DSE: variants seen among roughly 807,000 people sequenced by gnomAD.
DSE encodes the protein dermatan sulfate epimerase.
A neutral mutation model predicts 84.4 loss-of-function variants in DSE; 36 were observed. The observed-to-expected ratio is 0.43, with a 90% CI of 0.33 to 0.56. The LOEUF is 0.56. DSE is among the 20% of genes least tolerant of loss of function. DSE has a pLI of 0.06. For synonymous variants in DSE, 410 were observed against 430.1 expected (o/e 0.95, Z 0.58); for missense variants, 862 against 1,169.6 (o/e 0.74, Z 3.84).
At chr6:116,335,515 A>G (rs1402426798) in intron 2 of DSE, among the ~76,000 whole-genome samples, 4 of 152,212 alleles carry the variant, frequency 2.6e-5, no homozygotes, top group Non-Finnish European at 5.9e-5. Flanking sequence ...TTGTACCCCT[A>G]AACTTAAAAG....
chr6:116,319,061 G>T (rs1776152135), intron 2 of DSE, among the ~76,000 whole-genome samples: 1 of 152,136 alleles, frequency 6.6e-6, no homozygotes, highest in African/African-American at 2.4e-5. Flanking sequence ...ACTCTCTTCA[G>T]TTCTAAGATT....
At chr6:116,349,016 T>G (rs1432170023) in intron 2 of DSE, among the ~76,000 whole-genome samples, 3 of 152,062 alleles carry the variant, frequency 2.0e-5, no homozygotes, top group African/African-American at 7.2e-5. Flanking sequence ...ATACCTAATG[T>G]AAATGATGAG....
intron 2 of DSE, among the ~76,000 whole-genome samples, chr6:116,298,495 G>A (rs1774804940): frequency 6.6e-6 from 1 of 152,154 alleles, no homozygotes; most frequent in African/African-American, 2.4e-5. Flanking sequence ...ACTAGCCAAG[G>A]CATGTGGGCA....
chr6:116,316,963 C>CT (rs1776019778), intron 2 of DSE, among the ~76,000 whole-genome samples: 2 of 151,860 alleles, frequency 1.3e-5, no homozygotes, highest in Non-Finnish European at 2.9e-5. Context: ...GATGCTGATT[C>CT]AGCATTAAAT....
intron 2 of DSE, among the ~76,000 whole-genome samples, chr6:116,319,498 C>A (rs1454412037): frequency 6.6e-6 from 1 of 152,164 alleles, no homozygotes; most frequent in Non-Finnish European, 1.5e-5. Flanking sequence ...TTGACCAAAG[C>A]AAATCACATG....
At chr6:116,294,922 CT>C (rs1774561604) in intron 2 of DSE, among the ~76,000 whole-genome samples, 1 of 152,130 alleles carries the variant, frequency 6.6e-6, no homozygotes, top group Admixed American at 6.5e-5. Context: ...GAGTAGACTA[CT>C]CACCAACTCC....
intron 2 of DSE, among the ~76,000 whole-genome samples, chr6:116,329,870 C>T (rs1163917834): frequency 3.3e-5 from 5 of 152,342 alleles, no homozygotes; most frequent in African/African-American, 9.6e-5. Flanking sequence ...TGTCCCCAGG[C>T]TGGAGTGCAA....
At chr6:116,390,089 T>A (rs868801913) in intron 1 of DSE, among the ~76,000 whole-genome samples, 7 of 146,492 alleles carry the variant, frequency 4.8e-5, no homozygotes, top group African/African-American at 1.9e-4. Context: ...ATTTTATTAT[T>A]TTTTTTTTGA....
At chr6:116,426,896 G>A in intron 3 of DSE, 69 bp downstream of exon 3, 1 of 1,534,418 alleles carries the variant, frequency 6.5e-7, no homozygotes, top group South Asian at 1.3e-5. Flanking sequence ...TGTGAGCAAA[G>A]CATTTTTATA....
chr6:116,436,662 G>T lies in DSE; in HGVS notation c.2194G>T (p.Val732Phe). 6.2e-7 allele frequency: 1 copy of T among 1,614,194 alleles called. No homozygotes were observed. The highest frequency in any genetic ancestry group is 8.5e-7 in the Non-Finnish European group (1 of 1,180,028). Residue 732 changes from valine (V) to phenylalanine (F), a missense_variant, in exon 6 of 6, where the codon GTC (valine) becomes TTC (phenylalanine). Around this residue, in one of 4 missense-constraint regions of DSE, gnomAD observed 315 missense variants for 348.1 expected, o/e 0.90. Transcript: ENST00000644252. ...DRNSAIKSSI[V>F]PEVKDYAAIV... ...GAATTCAGCCATCAAGAGCAGCATT[G>T]TCCCTGAGGTGAAGGACTATGCTGC...
At chr6:116,288,471 C>T (rs1259749391) in intron 2 of DSE, 3 of 151,900 alleles carry the variant, frequency 2.0e-5, no homozygotes, top group Non-Finnish European at 4.4e-5. Context: ...AAGAAATGAG[C>T]CTTGACTTAT....
At chr6:116,300,722 A>C (rs1344851141) in intron 2 of DSE, among the ~76,000 whole-genome samples, 1 of 152,206 alleles carries the variant, frequency 6.6e-6, no homozygotes, top group African/African-American at 2.4e-5. Flanking sequence ...TGAGTCCAAA[A>C]TAAATGAATG....
intron 1 of DSE, among the ~76,000 whole-genome samples, chr6:116,393,059 A>C (rs1172477277): frequency 6.6e-6 from 1 of 152,210 alleles, no homozygotes; most frequent in Non-Finnish European, 1.5e-5. Context: ...ACTAAGAAAC[A>C]GCTTTCCAGC....
In DSE at chr6:116,441,801, A is replaced by T. The variant is rs1583245350; in HGVS notation, c.*4456A>T. On this transcript the variant is annotated 3_prime_UTR_variant, in exon 6 of 6. Coordinates refer to ENST00000644252, the MANE Select transcript of DSE (RefSeq NM_013352.4). ...GAAGTCCCACAGCACTTTTCAGTTG[A>T]GTTAACAAATAACGAATGACAATAA... 6.6e-6 allele frequency: 1 copy of T among 152,348 alleles called. No individual in the cohort carries two copies. The highest frequency in any genetic ancestry group is 2.1e-4 in the South Asian group (1 of 4,830). 9.4% of individuals were successfully genotyped at this position (152,348 alleles called of 1,614,324 possible).
intron 2 of DSE, among the ~76,000 whole-genome samples, chr6:116,308,939 C>T (rs1775505738): frequency 6.6e-6 from 1 of 152,096 alleles, no homozygotes; most frequent in South Asian, 2.1e-4. Flanking sequence ...TTATGAGTTA[C>T]CGTGCCTTGA....
chr6:116,271,853 T>G (rs1003133783), intron 2 of DSE, among the ~76,000 whole-genome samples: 6 of 152,136 alleles, frequency 3.9e-5, no homozygotes, highest in Non-Finnish European at 2.9e-5. Flanking sequence ...TTACTTACAC[T>G]AAAATGCATA....
At chr6:116,274,249 T>C (rs542109590) in intron 2 of DSE, among the ~76,000 whole-genome samples, 1 of 152,172 alleles carries the variant, frequency 6.6e-6, no homozygotes, top group East Asian at 1.9e-4. Context: ...CTGAACATCA[T>C]GTACATTTGT....
chr6:116,426,485 C>T (rs1783461469), intron 2 of DSE, 89 bp from the exon 3 acceptor site: 1 of 1,511,276 alleles, frequency 6.6e-7, no homozygotes, highest in Non-Finnish European at 8.9e-7. Context: ...TCAAGTGTGC[C>T]CTTTAGTTCT....
At chr6:116,258,854 T>C in exon 2 of DSE, 1 of 1,607,016 alleles carries the variant, frequency 6.2e-7, no homozygotes, top group Non-Finnish European at 8.5e-7. Flanking sequence ...CACACAGTCA[T>C]GAGCTTCTTG....
Sources: allele counts gnomAD v4.1 joint callset (sites outside exome capture counted in the v4.1 genomes callset), GRCh38; gene constraint gnomAD v4.1.1; regional missense constraint gnomAD v4.1.1; transcripts MANE v1.5; gene names NCBI Gene and HGNC (gene_info 2026-07-23, HGNC 2026-07-21).